Variants in PRKCI observed in about 807,000 individuals in gnomAD.
PRKCI encodes protein kinase C iota type.
In PRKCI, 43 loss-of-function variants were observed where a neutral mutation model predicts 84.0. The observed-to-expected ratio is 0.51, with a 90% CI of 0.40 to 0.66. The LOEUF (loss-of-function observed/expected upper bound fraction) is 0.66, where lower values mean the gene tolerates loss of function less well. Ranked by LOEUF, PRKCI falls within the 30% of genes least tolerant of loss-of-function variation. The pLI is 0.00. For synonymous variants in PRKCI, 216 were observed against 234.4 expected (o/e 0.92, Z 0.72); for missense variants, 459 against 745.6 (o/e 0.62, Z 4.48).
chr3:170,240,266 A>G (rs1357437746), intron 2 of PRKCI, among the ~76,000 whole-genome samples: 2 of 152,122 alleles, frequency 1.3e-5, no homozygotes, highest in Non-Finnish European at 2.9e-5. Flanking sequence ...AGACTTAAGC[A>G]TTGACAGTTA....
chr3:170,275,811 C>T (rs1230505164), intron 8 of PRKCI, among the ~76,000 whole-genome samples: 3 of 152,014 alleles, frequency 2.0e-5, no homozygotes, highest in Admixed American at 6.6e-5. Flanking sequence ...TCTTGGCAAC[C>T]TTTTAAACCA....
chr3:170,254,837 G>A (rs1733542433), intron 2 of PRKCI, among the ~76,000 whole-genome samples: 1 of 152,018 alleles, frequency 6.6e-6, no homozygotes, highest in Admixed American at 6.6e-5. Flanking sequence ...AATTTACAAT[G>A]ATTTTTTTCT....
chr3:170,297,642 G>GT, intron 16 of PRKCI, among the ~76,000 whole-genome samples: 2 of 148,300 alleles, frequency 1.3e-5, no homozygotes, highest in African/African-American at 2.6e-5. Context: ...AGTAGAGATG[G>GT]GGGGGGTTTC....
At chr3:170,291,136 C>CAAA (rs35556777) in intron 12 of PRKCI, among the ~76,000 whole-genome samples, 1 of 145,986 alleles carries the variant, frequency 6.8e-6, no homozygotes. Context: ...ACTCTGTCTC[C>CAAA]AAAAAAAAAA....
At chr3:170,273,596 C>G (rs1179411671) in intron 7 of PRKCI, among the ~76,000 whole-genome samples, 3 of 151,592 alleles carry the variant, frequency 2.0e-5, no homozygotes, top group Non-Finnish European at 4.4e-5. Flanking sequence ...AGGTGGATCA[C>G]CTGAGGTCAG....
intron 1 of PRKCI, among the ~76,000 whole-genome samples, chr3:170,228,310 C>CAGA (rs1330769094): frequency 6.6e-6 from 1 of 152,120 alleles, no homozygotes; most frequent in South Asian, 2.1e-4. Flanking sequence ...TATAGAAATA[C>CAGA]AGAAAGAGGC....
At chr3:170,284,083 G>A (rs530934922) in intron 11 of PRKCI, among the ~76,000 whole-genome samples, 3 of 151,912 alleles carry the variant, frequency 2.0e-5, no homozygotes, top group South Asian at 2.1e-4. Flanking sequence ...GGAGGATCAC[G>A]GGTCCCTTAG....
chr3:170,250,926 C>T (rs951980928), intron 2 of PRKCI, among the ~76,000 whole-genome samples: 3 of 152,120 alleles, frequency 2.0e-5, no homozygotes, highest in African/African-American at 7.2e-5. Context: ...ATGTTGACCT[C>T]ACTCTCTTTC....
chr3:170,294,798 G>C (rs1734653046), intron 14 of PRKCI, among the ~76,000 whole-genome samples: 1 of 152,142 alleles, frequency 6.6e-6, no homozygotes, highest in African/African-American at 2.4e-5. Context: ...TCAGATTAGA[G>C]GCTTTCTCTG....
intron 12 of PRKCI, among the ~76,000 whole-genome samples, chr3:170,291,406 A>C (rs1248498271): frequency 6.6e-6 from 1 of 152,052 alleles, no homozygotes; most frequent in African/African-American, 2.4e-5. Flanking sequence ...TTTTAATAAT[A>C]AAGGCAGTTG....
At chr3:170,269,239 T>C (rs1455511491) in intron 5 of PRKCI, among the ~76,000 whole-genome samples, 1 of 152,200 alleles carries the variant, frequency 6.6e-6, no homozygotes, top group Non-Finnish European at 1.5e-5. Flanking sequence ...TAAATACTCT[T>C]GATAACCGCA....
At chr3:170,292,230 TAAC>T (rs994508968) in intron 13 of PRKCI, among the ~76,000 whole-genome samples, 21 of 152,304 alleles carry the variant, frequency 1.4e-4, no homozygotes, top group African/African-American at 4.1e-4. Context: ...TTAATCCTCT[TAAC>T]AACCCTGTGA....
intron 12 of PRKCI, among the ~76,000 whole-genome samples, chr3:170,288,296 C>T (rs558406663): frequency 5.3e-5 from 8 of 151,842 alleles, no homozygotes; most frequent in African/African-American, 1.7e-4. Flanking sequence ...TCTTTTGTTA[C>T]TCTTACTGGA....
chr3:170,233,027 G>A (rs967936336), intron 1 of PRKCI, among the ~76,000 whole-genome samples: 1 of 146,884 alleles, frequency 6.8e-6, no homozygotes, highest in Non-Finnish European at 1.5e-5. Context: ...TTAATAATTT[G>A]GGGGGTGATA....
chr3:170,261,373 G>A (rs7621361), intron 3 of PRKCI, among the ~76,000 whole-genome samples: 12,262 of 150,516 alleles, frequency 0.081, 1,190 homozygotes, highest in African/African-American at 0.23. Context: ...AAAGTGAAAC[G>A]AATGTAAATC....
chr3:170,222,541 G>T lies in PRKCI; in HGVS notation c.-129G>T. 1.3e-6 allele frequency: 1 copy of T among 771,328 alleles called. No individual in the cohort carries two copies. The highest frequency in any genetic ancestry group is 1.9e-6 in the Non-Finnish European group (1 of 519,654). The allele number at this position is 771,328 out of a possible 1,614,324, so 47.8% of individuals were successfully genotyped here. ...GGCGACCCTTGGGTCGGCGCTGCGGGCGAGGTGGGCAGGTAGGTGGGCGGA... is the reference window on the plus strand; with the variant it reads ...GGCGACCCTTGGGTCGGCGCTGCGGTCGAGGTGGGCAGGTAGGTGGGCGGA... On this transcript the variant is annotated 5_prime_UTR_variant, in exon 1 of 18. Transcript: ENST00000295797.
intron 10 of PRKCI, 150 bp from the exon 11 acceptor site, chr3:170,281,732 C>T (rs1734256630): frequency 2.0e-6 from 2 of 995,710 alleles, no homozygotes; most frequent in Admixed American, 3.6e-5. Flanking sequence ...TGTTCCGTAC[C>T]CTAGATACCC....
intron 3 of PRKCI, among the ~76,000 whole-genome samples, chr3:170,261,191 C>T (rs1234290591): frequency 6.6e-6 from 1 of 150,584 alleles, no homozygotes; most frequent in Non-Finnish European, 1.5e-5. Context: ...TCTCAAACTC[C>T]TGTGCTCAAA....
chr3:170,250,315 AAC>A (rs1056683117), intron 2 of PRKCI, among the ~76,000 whole-genome samples: 24 of 151,938 alleles, frequency 1.6e-4, no homozygotes, highest in African/African-American at 5.8e-4. Context: ...AAAAAAAAAA[AAC>A]AACTTTGCTA....
Sources: gnomAD v4.1 joint callset for allele counts (sites outside exome capture counted in the v4.1 genomes callset) on GRCh38, gnomAD v4.1.1 for gene constraint, MANE v1.5 for transcripts, NCBI Gene and HGNC (gene_info 2026-07-23, HGNC 2026-07-21) for gene names.